QKI: variants seen among roughly 807,000 people sequenced by gnomAD.
QKI encodes the protein KH domain-containing RNA-binding protein QKI.
In QKI, 10 loss-of-function variants were observed where a neutral mutation model predicts 39.0. The ratio of observed to expected loss-of-function variants is 0.26; its 90% confidence interval spans 0.16 to 0.43. QKI has a LOEUF of 0.43. Among genes scored for constraint, QKI ranks in the 20% least tolerant of loss-of-function variants. The pLI, the probability that QKI is intolerant of heterozygous loss-of-function variation, is 1.00. For missense variants in QKI, 218 were observed against 428.0 expected, an observed-to-expected ratio of 0.51 and a Z score of 4.33; for synonymous variants, 204 against 155.4, an observed-to-expected ratio of 1.31 and a Z score of -2.33.
chr6:163,475,774 T>G (rs1288371682), intron 2 of QKI, among the ~76,000 whole-genome samples: 1 of 152,146 alleles, frequency 6.6e-6, no homozygotes, highest in African/African-American at 2.4e-5. Context: ...CAATAAAGCT[T>G]CTAGAAGATA....
Position 163,437,278 on chromosome 6 carries a change from A to G in QKI, c.143-18001A>G, listed in dbSNP as rs537305045. Among the ~76,000 whole-genome samples the G allele has an allele frequency of 2.6e-5, 4 of 152,358 alleles. No individual in the cohort carries two copies. In the East Asian group the frequency reaches 7.7e-4, roughly 29 times the overall value. On this transcript the variant is annotated intron_variant, in intron 1 of 7. Transcript: ENST00000361752. ...TATACATAAGCTATATATGTATATA[A>G]TTTAAATGATACAAGTGATGTATGT...
intron 6 of QKI, chr6:163,565,598 A>C: frequency 1.6e-5 from 16 of 1,001,420 alleles, no homozygotes; most frequent in Non-Finnish European, 1.8e-5. Flanking sequence ...AATAAAGACC[A>C]AAATATGCAG....
At chr6:163,415,726 G>A (rs1787401970) in intron 1 of QKI, among the ~76,000 whole-genome samples, 1 of 151,940 alleles carries the variant, frequency 6.6e-6, no homozygotes, top group Non-Finnish European at 1.5e-5. Context: ...CGCGCCGCCG[G>A]CCTGGAGGAC....
chr6:163,505,258 G>A (rs1330943804), intron 3 of QKI, among the ~76,000 whole-genome samples: 3 of 152,224 alleles, frequency 2.0e-5, no homozygotes, highest in African/African-American at 7.2e-5. Context: ...TGCTACGGCA[G>A]TGCAGAAGGG....
intron 4 of QKI, among the ~76,000 whole-genome samples, chr6:163,554,089 G>A (rs1008660675): frequency 1.3e-5 from 2 of 152,148 alleles, no homozygotes; most frequent in Admixed American, 1.3e-4. Context: ...CCCTGGCTTG[G>A]TGTCTCTCAG....
chr6:163,566,003 T>A (rs1783342835), intron 6 of QKI: 2 of 1,610,728 alleles, frequency 1.2e-6, no homozygotes, highest in Non-Finnish European at 1.7e-6. Flanking sequence ...TGAACCCTCA[T>A]CAGATCTGAA....
chr6:163,528,725 A>C (rs1479803893), intron 3 of QKI, among the ~76,000 whole-genome samples: 3 of 152,162 alleles, frequency 2.0e-5, no homozygotes, highest in Non-Finnish European at 4.4e-5. Context: ...AATTGTGACT[A>C]TCTGCTCTGC....
chr6:163,415,437 G>C, intron 1 of QKI, 102 bp downstream of exon 1: 10 of 979,318 alleles, frequency 1.0e-5, no homozygotes, highest in Non-Finnish European at 1.1e-5. Context: ...GGCCGGGCGG[G>C]ACCGAGCGCC....
rs546964943 is a variant in QKI at position 163,540,821 on chromosome 6, T to A, written c.546+5696T>A. 3.3e-5 allele frequency among the ~76,000 whole-genome samples: 5 copies of A among 152,220 alleles called. 1 individual carries two copies. In the South Asian group the frequency reaches 1.0e-3, roughly 32 times the overall value. On this transcript the variant is annotated intron_variant, in intron 4 of 7. Transcript: ENST00000361752. ...ATGAAATAACTAGGCAGGAGTTGTTTCTCAAGTTATATGTAGGTTTTTATC... is the reference window on the plus strand; with the variant it reads ...ATGAAATAACTAGGCAGGAGTTGTTACTCAAGTTATATGTAGGTTTTTATC...
At chr6:163,524,984 A>G (rs183852576) in intron 3 of QKI, among the ~76,000 whole-genome samples, 2 of 152,316 alleles carry the variant, frequency 1.3e-5, no homozygotes, top group Admixed American at 6.5e-5. Context: ...AAATTCAAGC[A>G]TTTTGCCTAA....
chr6:163,435,250 A>C (rs920573802), intron 1 of QKI, among the ~76,000 whole-genome samples: 1 of 152,224 alleles, frequency 6.6e-6, no homozygotes, highest in African/African-American at 2.4e-5. Flanking sequence ...GAAGAAGCTA[A>C]TGTTGGAGTG....
chr6:163,439,645 C>T (rs1199833391), intron 1 of QKI, among the ~76,000 whole-genome samples: 2 of 144,430 alleles, frequency 1.4e-5, no homozygotes, highest in African/African-American at 5.2e-5. Flanking sequence ...TGAGCCACCG[C>T]GTCCTGAATC....
chr6:163,461,417 A>G (rs1791341378), intron 2 of QKI, among the ~76,000 whole-genome samples: 1 of 152,206 alleles, frequency 6.6e-6, no homozygotes, highest in Non-Finnish European at 1.5e-5. Context: ...AATATATTTT[A>G]GTATTTGATA....
chr6:163,508,532 C>CTT (rs796358857), intron 3 of QKI, among the ~76,000 whole-genome samples: 1 of 4,492 alleles, frequency 2.2e-4, no homozygotes, highest in Non-Finnish European at 3.7e-4. Flanking sequence ...TTCTTTCTTT[C>CTT]TTTTTTTTTT....
At chr6:163,484,803 G>A (rs562535067) in intron 3 of QKI, among the ~76,000 whole-genome samples, 42 of 152,196 alleles carry the variant, frequency 2.8e-4, no homozygotes, top group African/African-American at 1.0e-3. Flanking sequence ...GGTCACTATG[G>A]CAGACATAAT....
chr6:163,442,997 GTAAT>G (rs1789870397), intron 1 of QKI, among the ~76,000 whole-genome samples: 2 of 152,136 alleles, frequency 1.3e-5, no homozygotes, highest in South Asian at 4.1e-4. Context: ...CAGTAAAAAA[GTAAT>G]AAATGTAGAT....
intron 3 of QKI, among the ~76,000 whole-genome samples, chr6:163,484,019 G>A (rs1324139321): frequency 6.6e-6 from 1 of 152,162 alleles, no homozygotes; most frequent in Admixed American, 6.5e-5. Flanking sequence ...CTCCTTGTAC[G>A]TCTCTACCAG....
At chr6:163,529,889 G>A (rs1199990329) in intron 3 of QKI, among the ~76,000 whole-genome samples, 1 of 152,192 alleles carries the variant, frequency 6.6e-6, no homozygotes, top group Admixed American at 6.5e-5. Flanking sequence ...CAGATTTGCA[G>A]CAGGGAGGTA....
At chr6:163,458,821 G>A (rs977187573) in intron 2 of QKI, among the ~76,000 whole-genome samples, 2 of 152,058 alleles carry the variant, frequency 1.3e-5, no homozygotes, top group African/African-American at 2.4e-5. Context: ...GACTTCTATT[G>A]CATCTCTACT....
Sources: gnomAD v4.1 joint callset for allele counts (sites outside exome capture counted in the v4.1 genomes callset) on GRCh38, gnomAD v4.1.1 for gene constraint, MANE v1.5 for transcripts, NCBI Gene and HGNC (gene_info 2026-07-23, HGNC 2026-07-21) for gene names.